Variants in IPO7 observed in about 807,000 individuals in gnomAD.
The protein encoded by IPO7 is importin-7.
IPO7 carries 13 observed loss-of-function variants against 136.4 expected under a neutral mutation model. The observed-to-expected ratio is 0.10, with a 90% CI of 0.06 to 0.15. IPO7 has a LOEUF of 0.15. Among genes scored for constraint, IPO7 ranks in the 10% least tolerant of loss-of-function variants. IPO7 has a pLI of 1.00. For missense variants in IPO7, 857 were observed against 1,240.6 expected (o/e 0.69, Z 4.65); for synonymous variants, 403 against 404.4 (o/e 1.00, Z 0.04).
At chr11:9,419,561 T>TATATATATATATATAG in intron 6 of IPO7, among the ~76,000 whole-genome samples, 1 of 92,260 alleles carries the variant, frequency 1.1e-5, no homozygotes, top group South Asian at 3.4e-4. Flanking sequence ...AAAAAAAAAA[T>TATATATATATATATAG]ATATATATAT....
chr11:9,425,382 A>C, intron 12 of IPO7, 120 bp downstream of exon 12: 1 of 668,008 alleles, frequency 1.5e-6, no homozygotes, highest in African/African-American at 1.8e-5. Context: ...TGAGGCAGGC[A>C]GATTGCCTGA....
At chr11:9,392,825 T>C (rs1441409190) in intron 1 of IPO7, among the ~76,000 whole-genome samples, 1 of 151,746 alleles carries the variant, frequency 6.6e-6, no homozygotes, top group Non-Finnish European at 1.5e-5. Context: ...GTTGCGTGCC[T>C]GTAATCCCAG....
intron 20 of IPO7, among the ~76,000 whole-genome samples, chr11:9,436,860 ATATATATATTTTTTTTTTTTTTTTT>A (rs1228261558): frequency 7.0e-5 from 2 of 28,684 alleles, no homozygotes; most frequent in Non-Finnish European, 1.1e-4. Flanking sequence ...ATATATATAT[ATATATATATTTTTTTTTTTTTTTTT>A]TTTTTTTTTT....
intron 18 of IPO7, 125 bp from the exon 19 acceptor site, chr11:9,434,809 A>G (rs781223458): frequency 2.7e-4 from 191 of 695,234 alleles, no homozygotes; most frequent in Non-Finnish European, 4.5e-4. Flanking sequence ...CCTCCCCCCA[A>G]AAAAAGGTGA....
intron 3 of IPO7, among the ~76,000 whole-genome samples, chr11:9,408,861 A>G (rs1160450362): frequency 6.6e-6 from 1 of 150,666 alleles, no homozygotes; most frequent in Non-Finnish European, 1.5e-5. Flanking sequence ...TTACAGGCAC[A>G]TGGCACCACG....
At chr11:9,429,989 C>G (rs1368002998) in intron 15 of IPO7, among the ~76,000 whole-genome samples, 155 bp downstream of exon 15, 1 of 152,090 alleles carries the variant, frequency 6.6e-6, no homozygotes, top group Non-Finnish European at 1.5e-5. Flanking sequence ...CACAGATGGT[C>G]CGGGGGAGAT....
At chr11:9,406,716 C>A (rs1029661022) in intron 2 of IPO7, among the ~76,000 whole-genome samples, 2 of 151,770 alleles carry the variant, frequency 1.3e-5, no homozygotes, top group South Asian at 2.1e-4. Flanking sequence ...ACTAAAAATA[C>A]AAAAAAATTA....
chr11:9,405,466 C>T (rs984194423), intron 2 of IPO7, among the ~76,000 whole-genome samples: 1 of 151,466 alleles, frequency 6.6e-6, no homozygotes, highest in Admixed American at 6.6e-5. Flanking sequence ...TGAGCCACCG[C>T]CCCCGGCCCT....
rs1486189572 is a variant in IPO7 at position 9,430,904 on chromosome 11, G to C, written c.1782G>C (p.Thr594=). The C allele has an allele frequency of 6.2e-7, 1 of 1,611,628 alleles. No homozygotes were observed. The highest frequency in any genetic ancestry group is 8.5e-7 in the Non-Finnish European group (1 of 1,178,904). ...LAMTFNQVIQ[T]GPDEEGSDDK... ...TGACATTTAACCAAGTAATCCAGAC[G>C]GGGCCAGATGAAGAAGGTAGTGATG... The change falls in exon 16 of 25, where the codon ACG becomes ACC. Residue 594 remains threonine (T), a synonymous_variant. Transcript: ENST00000379719.
chr11:9,439,811 G>T (rs754438203), intron 22 of IPO7, among the ~76,000 whole-genome samples: 9 of 152,164 alleles, frequency 5.9e-5, no homozygotes, highest in Non-Finnish European at 1.0e-4. Context: ...CTGACCTCAT[G>T]ATCTGCCTGC....
At chr11:9,399,579 T>C (rs1854764894) in intron 1 of IPO7, among the ~76,000 whole-genome samples, 1 of 151,982 alleles carries the variant, frequency 6.6e-6, no homozygotes, top group South Asian at 2.1e-4. Flanking sequence ...TTGGGAGAAA[T>C]GGTGCAGGGA....
chr11:9,424,816 G>A, intron 10 of IPO7, 98 bp from the exon 11 acceptor site: 1 of 778,902 alleles, frequency 1.3e-6, no homozygotes, highest in East Asian at 2.5e-5. Context: ...AAGGGATCTG[G>A]GATCATTTTC....
At chr11:9,444,836 CAA>C (rs1044435694) in intron 24 of IPO7, among the ~76,000 whole-genome samples, 28 of 71,120 alleles carry the variant, frequency 3.9e-4, no homozygotes, top group Admixed American at 7.6e-4. Context: ...GACTCTGTCT[CAA>C]AAAAAAAAAA....
intron 24 of IPO7, among the ~76,000 whole-genome samples, chr11:9,444,249 G>T (rs1176127610): frequency 6.7e-6 from 1 of 150,216 alleles, no homozygotes; most frequent in African/African-American, 2.5e-5. Context: ...CTGCACTCCA[G>T]CCTGGGTGAC....
At chr11:9,438,358 G>A in intron 22 of IPO7, 73 bp downstream of exon 22, 1 of 951,260 alleles carries the variant, frequency 1.1e-6, no homozygotes, top group Non-Finnish European at 1.6e-6. Flanking sequence ...CGGGCGCAGT[G>A]GCTCAGGCCT....
rs985584105 is a variant in IPO7, at chr11:9,427,507, G to A, written c.1336-1033G>A. Among the ~76,000 whole-genome samples the A allele has an allele frequency of 3.3e-5, 5 of 152,214 alleles. No homozygotes were observed. In the East Asian group the frequency reaches 9.7e-4, roughly 29 times the overall value. ...ACTCCTGACCTCAGGTGATCCACCC[G>A]CCTCGGCTTCCCAAAATGCTGGGAT... On this transcript the variant is annotated intron_variant, in intron 12 of 24. Coordinates refer to ENST00000379719, the MANE Select transcript of IPO7 (RefSeq NM_006391.3).
chr11:9,443,018 A>G (rs368123825), intron 24 of IPO7, among the ~76,000 whole-genome samples: 19 of 151,942 alleles, frequency 1.3e-4, no homozygotes, highest in East Asian at 5.9e-4. Context: ...ACGAGACTCC[A>G]TCTCCAAAAA....
At chr11:9,439,651 C>T (rs1055169073) in intron 22 of IPO7, among the ~76,000 whole-genome samples, 10 of 151,930 alleles carry the variant, frequency 6.6e-5, no homozygotes, top group African/African-American at 2.4e-4. Flanking sequence ...TCTTGGCTCA[C>T]TGCAACCTCC....
intron 1 of IPO7, among the ~76,000 whole-genome samples, chr11:9,390,219 G>A (rs1463595274): frequency 6.6e-6 from 1 of 151,976 alleles, no homozygotes; most frequent in Admixed American, 6.6e-5. Flanking sequence ...AGGCAGCAGT[G>A]CTACTTTCTC....
Sources: allele counts gnomAD v4.1 joint callset (sites outside exome capture counted in the v4.1 genomes callset), GRCh38; gene constraint gnomAD v4.1.1; transcripts MANE v1.5; gene names NCBI Gene and HGNC (gene_info 2026-07-23, HGNC 2026-07-21).